The following CCDC169 variants were observed in gnomAD, a reference collection of about 807,000 sequenced individuals.
The protein encoded by CCDC169 is coiled-coil domain containing 169.
Under a neutral mutation model 36.0 loss-of-function variants are expected in CCDC169, and 30 were observed. That is an observed-to-expected ratio of 0.83 (90% CI 0.62 to 1.13). The LOEUF (loss-of-function observed/expected upper bound fraction) is 1.13, where lower values mean the gene tolerates loss of function less well. CCDC169 is among the 50% of genes most tolerant of loss of function. The pLI, the probability that CCDC169 is intolerant of heterozygous loss-of-function variation, is 0.00. For synonymous variants in CCDC169, 85 were observed against 81.5 expected, an observed-to-expected ratio of 1.04 and a Z score of -0.23; for missense variants, 245 against 245.9, an observed-to-expected ratio of 1.00 and a Z score of 0.03.
chr13:36,234,186 G>A (rs1870791071), intron 7 of CCDC169, among the ~76,000 whole-genome samples: 1 of 152,044 alleles, frequency 6.6e-6, no homozygotes, highest in South Asian at 2.1e-4. Context: ...GGGAAGTTGG[G>A]TCTTCATTCT....
At chr13:36,232,120 A>C (rs1355522249) in intron 7 of CCDC169, among the ~76,000 whole-genome samples, 1 of 152,196 alleles carries the variant, frequency 6.6e-6, no homozygotes, top group Non-Finnish European at 1.5e-5. Flanking sequence ...GTAGCATTTT[A>C]ACTTGCCCTA....
chr13:36,251,298 T>A (rs1357744142), intron 6 of CCDC169, among the ~76,000 whole-genome samples: 2 of 152,188 alleles, frequency 1.3e-5, no homozygotes, highest in African/African-American at 2.4e-5. Context: ...TCCATTAACC[T>A]TTCCAATCAC....
intron 7 of CCDC169, among the ~76,000 whole-genome samples, chr13:36,242,560 G>A (rs1339282047): frequency 6.6e-6 from 1 of 152,034 alleles, no homozygotes; most frequent in African/African-American, 2.4e-5. Flanking sequence ...GTTTCTATTA[G>A]ATGAGTGATT....
chr13:36,255,833 C>CTTGT (rs1873800492), intron 4 of CCDC169, among the ~76,000 whole-genome samples: 1 of 152,148 alleles, frequency 6.6e-6, no homozygotes, highest in Non-Finnish European at 1.5e-5. Flanking sequence ...TTCAGAGGAA[C>CTTGT]TTGTGGCCAG....
chr13:36,248,768 T>A, intron 6 of CCDC169, 86 bp from the exon 7 acceptor site: 3 of 1,241,540 alleles, frequency 2.4e-6, no homozygotes, highest in Non-Finnish European at 1.1e-6. Flanking sequence ...CAATTAACTC[T>A]CCCATAACCA....
At chr13:36,268,978 G>A (rs1875688960) in intron 4 of CCDC169, among the ~76,000 whole-genome samples, 1 of 152,006 alleles carries the variant, frequency 6.6e-6, no homozygotes, top group Non-Finnish European at 1.5e-5. Flanking sequence ...GGTGGTGAAT[G>A]CCTATAATCC....
chr13:36,266,339 G>A (rs373327307), intron 4 of CCDC169, among the ~76,000 whole-genome samples: 19 of 152,112 alleles, frequency 1.2e-4, no homozygotes, highest in African/African-American at 4.3e-4. Flanking sequence ...CAGGACAGTG[G>A]GTACTCTTCT....
intron 2 of CCDC169, among the ~76,000 whole-genome samples, chr13:36,284,870 C>A (rs1197584198): frequency 6.6e-6 from 1 of 152,188 alleles, no homozygotes; most frequent in African/African-American, 2.4e-5. Context: ...GTCTCCCTTA[C>A]ACCCTCATCT....
Position 36,231,094 on chromosome 13 carries a change from T to C in CCDC169, c.*99A>G. 2.1e-6 allele frequency: 3 copies of C among 1,461,160 alleles called. No individual in the cohort carries two copies. The highest frequency in any genetic ancestry group is 2.5e-5 in the East Asian group (1 of 39,954). The allele number at this position is 1,461,160 out of a possible 1,614,324, so 90.5% of individuals were successfully genotyped here. On this transcript the variant is annotated 3_prime_UTR_variant, in exon 8 of 8. Coordinates refer to ENST00000239859, the MANE Select transcript of CCDC169 (RefSeq NM_001144981.3). ...AGAAAAATGTGGCAGTTCTTATCTA[T>C]TTTATTCCCTGAAGAAATGTGCTGA... is the stretch of plus-strand genomic sequence containing the variant.
Position 36,284,452 on chromosome 13 carries a change from G to A in CCDC169, c.164-750C>T, listed in dbSNP as rs181663941. On this transcript the variant is annotated intron_variant, in intron 2 of 7. Coordinates refer to ENST00000239859, the MANE Select transcript of CCDC169 (RefSeq NM_001144981.3). ...GACAGAGCTAATAAATAAGGGAACC[G>A]GGTTTTTAATCCAGTTTTATCTGCC... Among the ~76,000 whole-genome samples the A allele has an allele frequency of 1.8e-3, 276 of 152,234 alleles. 1 individual carries two copies. The highest frequency in any genetic ancestry group is 6.0e-3 in the African/African-American group (250 of 41,556).
downstream of CCDC169, chr13:36,227,489 C>CACACACAT (rs1869968334): frequency 1.1e-5 from 12 of 1,114,104 alleles, no homozygotes; most frequent in African/African-American, 1.6e-5. Context: ...CACACACACA[C>CACACACAT]ATATACACAA....
intron 7 of CCDC169, chr13:36,244,418 G>A (rs1006101326): frequency 3.3e-5 from 5 of 152,266 alleles, no homozygotes; most frequent in African/African-American, 9.6e-5. Flanking sequence ...AGTATCTAAC[G>A]AGCTTCTCTG....
intron 2 of CCDC169, among the ~76,000 whole-genome samples, chr13:36,291,427 AG>A (rs1479458524): frequency 6.6e-6 from 1 of 152,196 alleles, no homozygotes; most frequent in Non-Finnish European, 1.5e-5. Flanking sequence ...ATTTCTGGTC[AG>A]GAATATTGTC....
At position 36,290,984 on chromosome 13, in the gene CCDC169, T is replaced by TA. The variant is rs35360922; in HGVS notation, c.163+4793dup. Reference sequence around the variant, plus strand: ...TGACCAAAAAAGGGGGAATATAAACTAAAAAAAAAAAAAATCCTAAGCCCC... The same window carrying TA: ...TGACCAAAAAAGGGGGAATATAAACTAAAAAAAAAAAAAAATCCTAAGCCCC... On this transcript the variant is annotated intron_variant, in intron 2 of 7. Coordinates refer to ENST00000239859, the MANE Select transcript of CCDC169 (RefSeq NM_001144981.3). 8.9e-3 allele frequency among the ~76,000 whole-genome samples: 1,255 copies of TA among 141,126 alleles called. 5 individuals are homozygous for TA. The highest frequency in any genetic ancestry group is 0.031 in the South Asian group (138 of 4,486). The allele number at this position is 141,126 out of a possible 152,430, so 92.6% of individuals were successfully genotyped here.
At chr13:36,281,420 C>A (rs1161465556) in intron 4 of CCDC169, among the ~76,000 whole-genome samples, 1 of 151,948 alleles carries the variant, frequency 6.6e-6, no homozygotes, top group Non-Finnish European at 1.5e-5. Flanking sequence ...TATAACGTAT[C>A]TTACCTTCAG....
intron 4 of CCDC169, among the ~76,000 whole-genome samples, chr13:36,278,711 G>C (rs1043866153): frequency 6.6e-6 from 1 of 151,994 alleles, no homozygotes; most frequent in East Asian, 1.9e-4. Context: ...ATTCCCCAGG[G>C]TTTCAACCTC....
chr13:36,280,379 G>A (rs1431009812), intron 4 of CCDC169: 1 of 152,042 alleles, frequency 6.6e-6, no homozygotes. Context: ...CACTCTGTGG[G>A]TTTCAACTCA....
chr13:36,263,121 T>C (rs1006357433), intron 4 of CCDC169, among the ~76,000 whole-genome samples: 2 of 152,076 alleles, frequency 1.3e-5, no homozygotes, highest in Non-Finnish European at 2.9e-5. Flanking sequence ...AATTAAGCAG[T>C]TCGAGGAATT....
downstream of CCDC169, chr13:36,224,187 T>TA (rs1310873061): frequency 6.6e-6 from 1 of 152,174 alleles, no homozygotes; most frequent in Non-Finnish European, 1.5e-5. Context: ...AATTAGCATG[T>TA]AATGCTCTCA....
Sources: allele counts gnomAD v4.1 joint callset (sites outside exome capture counted in the v4.1 genomes callset), GRCh38; gene constraint gnomAD v4.1.1; transcripts MANE v1.5; gene names NCBI Gene and HGNC (gene_info 2026-07-23, HGNC 2026-07-21).